Variants in MRTFB observed in about 807,000 individuals in gnomAD.
MRTFB encodes the protein myocardin related transcription factor B, also known as myocardin-related transcription factor B.
Under a neutral mutation model 104.2 loss-of-function variants are expected in MRTFB, and 29 were observed. The observed-to-expected ratio is 0.28, with a 90% CI of 0.21 to 0.38. The LOEUF (loss-of-function observed/expected upper bound fraction) is 0.38. Among genes scored for constraint, MRTFB ranks in the 10% least tolerant of loss-of-function variants. The pLI, the probability that MRTFB is intolerant of heterozygous loss-of-function variation, is 1.00. For missense variants in MRTFB, 1,270 were observed against 1,341.6 expected (o/e 0.95, Z 0.83); for synonymous variants, 535 against 519.5 (o/e 1.03, Z -0.41).
rs1421608685 is a variant in MRTFB at position 14,252,599 on chromosome 16, C to A, written c.2703+97C>A. 4.4e-6 allele frequency: 6 copies of A among 1,369,738 alleles called. No individual in the cohort carries two copies. In the Admixed American group the frequency reaches 8.0e-5, roughly 18 times the overall value. The allele number at this position is 1,369,738 out of a possible 1,614,324, so 84.8% of individuals were successfully genotyped here. A position where few individuals can be genotyped will look rare whatever the true frequency, so the allele number is the denominator to read the frequency against. On this transcript the variant is annotated intron_variant, in intron 15 of 16. Transcript: ENST00000571589. ...TACAGAATCCCTTGTCTGAAACTGA[C>A]TTGCCTCAATAGAAATACAAAAATA...
At chr16:14,240,029 A>G (rs2042693858) in intron 9 of MRTFB, among the ~76,000 whole-genome samples, 1 of 152,254 alleles carries the variant, frequency 6.6e-6, no homozygotes. Context: ...CTGAGGGAAC[A>G]GTGCAGCAGG....
In MRTFB at chr16:14,244,242, G is replaced by GTTT. The variant is rs541784403; in HGVS notation, c.1080-1285_1080-1283dup. On this transcript the variant is annotated intron_variant, in intron 10 of 16. Coordinates refer to ENST00000571589, the MANE Select transcript of MRTFB (RefSeq NM_001308142.2). ...ATAGCAGTTCATTTTTGTTGTTGTT[G>GTTT]TTTAATATTTCGTGACTGACTATAA... Among the ~76,000 whole-genome samples the GTTT allele has an allele frequency of 6.4e-4, 98 of 152,172 alleles. 2 individuals are homozygous for GTTT. In the South Asian group the frequency reaches 0.019, roughly 30 times the overall value.
chr16:14,238,880 T>A (rs2042641389), intron 9 of MRTFB, among the ~76,000 whole-genome samples: 1 of 152,218 alleles, frequency 6.6e-6, no homozygotes, highest in Non-Finnish European at 1.5e-5. Flanking sequence ...TTAATTGGAT[T>A]ATATTATGTC....
At chr16:14,219,734 T>C (rs1241070084) in intron 8 of MRTFB, among the ~76,000 whole-genome samples, 1 of 152,230 alleles carries the variant, frequency 6.6e-6, no homozygotes, top group Non-Finnish European at 1.5e-5. Flanking sequence ...TCTTTCAGCA[T>C]TATTTTCTTC....
At chr16:14,172,183 G>A (rs2039444674) in intron 3 of MRTFB, among the ~76,000 whole-genome samples, 1 of 151,964 alleles carries the variant, frequency 6.6e-6, no homozygotes, top group Admixed American at 6.6e-5. Flanking sequence ...CCCAATGAAG[G>A]TAATAAATCT....
intron 8 of MRTFB, among the ~76,000 whole-genome samples, chr16:14,231,891 T>G (rs1021219477): frequency 1.3e-5 from 2 of 152,208 alleles, no homozygotes; most frequent in Non-Finnish European, 2.9e-5. Context: ...AGTTTTGATA[T>G]ATTTATCTTC....
intron 3 of MRTFB, chr16:14,200,854 A>G (rs2040669323): frequency 6.9e-7 from 1 of 1,459,340 alleles, no homozygotes; most frequent in Non-Finnish European, 9.6e-7. Flanking sequence ...ACAAGGTGCC[A>G]ACCTGTATGG....
At chr16:14,015,994 G>A in the MRTFB span, 2 of 398,564 alleles carry the variant, frequency 5.0e-6, no homozygotes, top group Non-Finnish European at 8.8e-6. Flanking sequence ...GTTTAATTGC[G>A]TCTACTTCTG....
At chr16:14,145,523 C>A (rs1322056137) in intron 3 of MRTFB, among the ~76,000 whole-genome samples, 1 of 152,162 alleles carries the variant, frequency 6.6e-6, no homozygotes, top group Non-Finnish European at 1.5e-5. Flanking sequence ...GATATTCCCA[C>A]TATTGGAGCA....
chr16:14,024,724 T>C, the MRTFB span, among the ~76,000 whole-genome samples: 2 of 152,320 alleles, frequency 1.3e-5, no homozygotes, highest in Admixed American at 1.3e-4. Context: ...AAGAAATAAG[T>C]GTAAAACTTC....
upstream of MRTFB, among the ~76,000 whole-genome samples, chr16:14,070,478 A>G (rs562607107): frequency 4.0e-4 from 61 of 152,312 alleles, no homozygotes; most frequent in African/African-American, 1.2e-3. Context: ...GCTCTCTACC[A>G]GCAAAACGCC....
At chr16:14,044,145 T>G in the MRTFB span, among the ~76,000 whole-genome samples, 2 of 152,300 alleles carry the variant, frequency 1.3e-5, no homozygotes, top group Non-Finnish European at 1.5e-5. Context: ...CATTCATTCA[T>G]TCAGTCAGTC....
rs140495925 is a variant in MRTFB, at chr16:14,130,028, G to C, written c.-63-10516G>C. On this transcript the variant is annotated intron_variant, in intron 2 of 16. Coordinates refer to ENST00000571589, the MANE Select transcript of MRTFB (RefSeq NM_001308142.2). ...GTATTTTTAGTAGAGACGGGATTTT[G>C]CTATGTTCACTAGGCTGGTCTTGCA... Among the ~76,000 whole-genome samples the C allele has an allele frequency of 2.1e-3, 327 of 152,124 alleles. 1 individual carries two copies. Among genetic ancestry groups the C allele is most frequent in the African/African-American group, 7.6e-3 (315 of 41,534 alleles).
intron 2 of MRTFB, among the ~76,000 whole-genome samples, chr16:14,123,917 A>G (rs1017289033): frequency 5.3e-5 from 8 of 152,084 alleles, no homozygotes; most frequent in African/African-American, 1.9e-4. Context: ...ATGTTTTTCC[A>G]TTTGTTTTTG....
chr16:14,023,614 CATAT>C, the MRTFB span, among the ~76,000 whole-genome samples: 133 of 56,492 alleles, frequency 2.4e-3, 1 homozygote, highest in African/African-American at 7.7e-3. Flanking sequence ...CACACACATA[CATAT>C]ACATATACAT....
chr16:14,086,825 C>T (rs1299541504), intron 2 of MRTFB, among the ~76,000 whole-genome samples: 1 of 152,092 alleles, frequency 6.6e-6, no homozygotes, highest in Non-Finnish European at 1.5e-5. Context: ...TTTATTTATC[C>T]TCTTAGCTGC....
rs907911275 is a variant in MRTFB, at chr16:14,257,298, CACA to C, written c.2704-797_2704-795del. ...ATACAAGGACCTGTACACAAATGTT[CACA>C]ACAACTTTTTTGTAATAGCCAAAAA... is the stretch of plus-strand genomic sequence containing the variant. On this transcript the variant is annotated intron_variant, in intron 15 of 16. Transcript: ENST00000571589. Among the ~76,000 whole-genome samples, 6 of 152,220 alleles carry C rather than the reference CACA, an allele frequency of 3.9e-5. No individual in the cohort carries two copies. In the East Asian group the frequency reaches 9.6e-4, roughly 24 times the overall value.
intron 2 of MRTFB, among the ~76,000 whole-genome samples, chr16:14,080,973 G>A (rs78025328): frequency 0.014 from 2,096 of 152,318 alleles, 60 homozygotes; most frequent in African/African-American, 0.048. Context: ...ATGTGAGAGT[G>A]CAGATTATCT....
intron 3 of MRTFB, among the ~76,000 whole-genome samples, chr16:14,199,456 C>G (rs2040584914): frequency 1.3e-5 from 2 of 152,150 alleles, no homozygotes; most frequent in Admixed American, 1.3e-4. Flanking sequence ...CCCATGTAGC[C>G]AACTGCCATT....
Sources: allele counts gnomAD v4.1 joint callset (sites outside exome capture counted in the v4.1 genomes callset), GRCh38; gene constraint gnomAD v4.1.1; transcripts MANE v1.5; gene names NCBI Gene and HGNC (gene_info 2026-07-23, HGNC 2026-07-21).